UBE2T: variants seen among roughly 807,000 people sequenced by gnomAD.
UBE2T encodes ubiquitin-conjugating enzyme E2 T.
In UBE2T, 15 loss-of-function variants were observed where a neutral mutation model predicts 23.3. The ratio of observed to expected loss-of-function variants is 0.64; its 90% CI spans 0.43 to 0.99. The LOEUF (loss-of-function observed/expected upper bound fraction) is 0.99. UBE2T is among the 50% of genes least tolerant of loss of function. The pLI, the probability that UBE2T is intolerant of heterozygous loss-of-function variation, is 0.00. For synonymous variants in UBE2T, 67 were observed against 78.4 expected, an observed-to-expected ratio of 0.85 and a Z score of 0.77; for missense variants, 197 against 234.9, an observed-to-expected ratio of 0.84 and a Z score of 1.05.
At chr1:202,333,589 T>G (rs755092085) in intron 3 of UBE2T, 34 bp from the exon 4 acceptor site, 4 of 1,575,006 alleles carry the variant, frequency 2.5e-6, no homozygotes, top group African/African-American at 2.7e-5. Context: ...TAATTTTCAT[T>G]ACATAATTTT....
chr1:202,331,691 A>C lies in UBE2T; in HGVS notation c.*144T>G. On this transcript the variant is annotated 3_prime_UTR_variant, in exon 7 of 7. Transcript: ENST00000646651. ...AATGACTATTTATTTTTCAGGTTTA[A>C]AAGATTTCAAAATACATATGTACAA... 9.5e-7 allele frequency: 1 copy of C among 1,048,868 alleles called. No homozygotes were observed. Among genetic ancestry groups the C allele is most frequent in the Non-Finnish European group, 1.4e-6 (1 of 731,640 alleles). 65.0% of individuals were successfully genotyped at this position (1,048,868 alleles called of 1,614,324 possible). A position where few individuals can be genotyped will look rare whatever the true frequency, so the allele number is the denominator to read the frequency against.
Position 202,341,932 on chromosome 1 carries a change from C to T in UBE2T, c.-102G>A, listed in dbSNP as rs1433875832. 2.6e-5 allele frequency: 4 copies of T among 152,398 alleles called. No homozygotes were observed. The highest frequency in any genetic ancestry group is 5.9e-5 in the Non-Finnish European group (4 of 68,144). 9.4% of individuals were successfully genotyped at this position (152,398 alleles called of 1,614,324 possible). A position where few individuals can be genotyped will look rare whatever the true frequency, so the allele number is the denominator to read the frequency against. ...CCCTCACAACGCAGCAACGCGCGGA[C>T]CAACGGGGTACCAGCGCCTGCGCGA... On this transcript the variant is annotated 5_prime_UTR_variant, in exon 1 of 7. Coordinates refer to ENST00000646651, the MANE Select transcript of UBE2T (RefSeq NM_014176.4).
At chr1:202,341,205 T>C (rs1462713468) in intron 1 of UBE2T, among the ~76,000 whole-genome samples, 3 of 152,226 alleles carry the variant, frequency 2.0e-5, no homozygotes, top group Non-Finnish European at 2.9e-5. Context: ...AGCAGGTCCC[T>C]AGTCTTTTTT....
intron 6 of UBE2T, 81 bp downstream of exon 6, chr1:202,332,929 A>AAAAAAAAAAAAAAAAAAAAAAAAAC (rs1558100015): frequency 2.2e-6 from 1 of 458,932 alleles, no homozygotes; most frequent in Non-Finnish European, 3.1e-6. Flanking sequence ...AAAAAAAAAA[A>AAAAAAAAAAAAAAAAAAAAAAAAAC]AAAAAAAAAA....
chr1:202,336,284 C>A (rs1654882875), intron 1 of UBE2T, among the ~76,000 whole-genome samples: 1 of 128,490 alleles, frequency 7.8e-6, no homozygotes, highest in South Asian at 2.7e-4. Flanking sequence ...TGCAGTGGCA[C>A]AATCTCAGCT....
intron 1 of UBE2T, among the ~76,000 whole-genome samples, chr1:202,337,378 G>A (rs1223719014): frequency 1.3e-5 from 2 of 152,124 alleles, no homozygotes; most frequent in Non-Finnish European, 2.9e-5. Flanking sequence ...TATACTTTGT[G>A]TATTAAATTT....
chr1:202,334,519 A>T (rs531229319), intron 3 of UBE2T, among the ~76,000 whole-genome samples: 1 of 152,322 alleles, frequency 6.6e-6, no homozygotes, highest in East Asian at 1.9e-4. Flanking sequence ...GTACCCCGGA[A>T]CCTAAAATAA....
intron 1 of UBE2T, among the ~76,000 whole-genome samples, chr1:202,341,214 T>C (rs1237624260): frequency 6.6e-6 from 1 of 152,196 alleles, no homozygotes; most frequent in African/African-American, 2.4e-5. Context: ...CTAGTCTTTT[T>C]TTGTATCAAG....
At chr1:202,339,077 CTTTTTTTTTTTTTT>C (rs35528865) in intron 1 of UBE2T, among the ~76,000 whole-genome samples, 1 of 107,854 alleles carries the variant, frequency 9.3e-6, no homozygotes, top group African/African-American at 3.8e-5. Context: ...GTATTGCCTC[CTTTTTTTTTTTTTT>C]TTTTTTTTTA....
In UBE2T at chr1:202,341,899, G is replaced by A. The variant is rs1655018007; in HGVS notation, c.-69C>T. 1.3e-5 allele frequency: 2 copies of A among 152,332 alleles called. No individual in the cohort carries two copies. Among genetic ancestry groups the A allele is most frequent in the Non-Finnish European group, 2.9e-5 (2 of 68,126 alleles). 9.4% of individuals were successfully genotyped at this position (152,332 alleles called of 1,614,324 possible). A position where few individuals can be genotyped will look rare whatever the true frequency, so the allele number is the denominator to read the frequency against. On this transcript the variant is annotated 5_prime_UTR_variant, in exon 1 of 7. Transcript: ENST00000646651. Reference sequence around the variant, plus strand: ...CGGAATACTCTCCTTGCTTACCTGAGCTGACACCCCTCACAACGCAGCAAC... The same window carrying A: ...CGGAATACTCTCCTTGCTTACCTGAACTGACACCCCTCACAACGCAGCAAC...
rs1325859907 is a variant in UBE2T, at chr1:202,335,252, A to G, written c.110-194T>C. 1 of 578,146 alleles carries G rather than the reference A, an allele frequency of 1.7e-6. No individual in the cohort carries two copies. The highest frequency in any genetic ancestry group is 3.1e-6 in the Non-Finnish European group (1 of 327,784). 35.8% of individuals were successfully genotyped at this position (578,146 alleles called of 1,614,324 possible). A position where few individuals can be genotyped will look rare whatever the true frequency, so the allele number is the denominator to read the frequency against. On this transcript the variant is annotated intron_variant, in intron 2 of 6. Coordinates refer to ENST00000646651, the MANE Select transcript of UBE2T (RefSeq NM_014176.4). This position sits in a 1 kb window ranked among gnomAD's most constrained non-coding sequence, Gnocchi z 4.0. ...CTCAAAAAGTTAATGGTGTCAAACAAAGGACATATAGAAAATCTAAAGCAG... is the reference window on the plus strand; with the variant it reads ...CTCAAAAAGTTAATGGTGTCAAACAGAGGACATATAGAAAATCTAAAGCAG...
At position 202,331,874 on chromosome 1, in the gene UBE2T, C is replaced by G. The variant is rs748385037; in HGVS notation, c.555G>C (p.Gln185His). Residue 185 changes from glutamine to histidine, a missense_variant, in exon 7 of 7, where the codon CAG becomes CAC. Coordinates refer to ENST00000646651, the MANE Select transcript of UBE2T (RefSeq NM_014176.4). Reference sequence around the variant, plus strand: ...GAAATTTCTTTTCTATGCCTACTAGCTGACTGGCCTTCCTTTTCTGTGTTG... The same window carrying G: ...GAAATTTCTTTTCTATGCCTACTAGGTGACTGGCCTTCCTTTTCTGTGTTG... ...HNSTQKRKAS[Q>H]LVGIEKKFHP... The G allele has an allele frequency of 3.7e-6, 6 of 1,614,170 alleles. No individual in the cohort carries two copies. Among genetic ancestry groups the G allele is most frequent in the African/African-American group, 2.7e-5 (2 of 75,052 alleles).
chr1:202,340,387 G>A (rs992162976), intron 1 of UBE2T, among the ~76,000 whole-genome samples: 2 of 151,660 alleles, frequency 1.3e-5, no homozygotes, highest in Non-Finnish European at 2.9e-5. Flanking sequence ...GGTGGTGCAC[G>A]CCTGTAATCC....
At chr1:202,341,392 A>C (rs1257547908) in intron 1 of UBE2T, among the ~76,000 whole-genome samples, 2 of 150,440 alleles carry the variant, frequency 1.3e-5, no homozygotes, top group Non-Finnish European at 1.5e-5. Flanking sequence ...TCCCGGCTAA[A>C]ACGGTGAAAC....
intron 1 of UBE2T, among the ~76,000 whole-genome samples, chr1:202,337,337 TAATC>T (rs1311925875): frequency 2.6e-5 from 4 of 152,232 alleles, no homozygotes; most frequent in East Asian, 1.9e-4. Context: ...ACTCTTAACA[TAATC>T]AATCTTAAAA....
At chr1:202,340,446 G>A (rs578017302) in intron 1 of UBE2T, among the ~76,000 whole-genome samples, 4 of 151,920 alleles carry the variant, frequency 2.6e-5, no homozygotes, top group East Asian at 3.9e-4. Context: ...CCAGGAAGGC[G>A]GAGGTTGCAG....
At position 202,333,862 on chromosome 1, in the gene UBE2T, T is replaced by A. The variant is rs788789; in HGVS notation, c.180-307A>T. Among the ~76,000 whole-genome samples the A allele has an allele frequency of 0.97, 148,144 of 152,254 alleles. 72,150 individuals carry two copies. Among genetic ancestry groups the A allele is most frequent in the East Asian group, 1 (5,190 of 5,190 alleles). On this transcript the variant is annotated intron_variant, in intron 3 of 6. Transcript: ENST00000646651. ...ATATAAATGCAATACTATTACCCCT[T>A]TGAAAAATTTAAGAACTAATTCCCT...
At chr1:202,332,824 C>T (rs941897972) in intron 6 of UBE2T, among the ~76,000 whole-genome samples, 186 bp downstream of exon 6, 3 of 124,126 alleles carry the variant, frequency 2.4e-5, no homozygotes, top group Non-Finnish European at 3.2e-5. Flanking sequence ...AGGAGAATGG[C>T]GTGAACCCGG....
At chr1:202,340,841 T>C (rs1654986004) in intron 1 of UBE2T, among the ~76,000 whole-genome samples, 1 of 152,242 alleles carries the variant, frequency 6.6e-6, no homozygotes, top group South Asian at 2.1e-4. Flanking sequence ...AGCCTCACTA[T>C]GTTAACCAAA....
Sources: allele counts gnomAD v4.1 joint callset (sites outside exome capture counted in the v4.1 genomes callset), GRCh38; gene constraint gnomAD v4.1.1; non-coding constraint Gnocchi (gnomAD v3.1); transcripts MANE v1.5; gene names NCBI Gene and HGNC (gene_info 2026-07-23, HGNC 2026-07-21).